Variants in LPP observed in about 807,000 individuals in gnomAD.
The protein encoded by LPP is LIM domain containing preferred translocation partner in lipoma, also known as lipoma-preferred partner.
A neutral mutation model predicts 60.4 loss-of-function variants in LPP; 38 were observed. That is an observed-to-expected ratio of 0.63 (90% confidence interval 0.49 to 0.83). The LOEUF (loss-of-function observed/expected upper bound fraction) is 0.83. Among genes scored for constraint, LPP ranks in the 40% least tolerant of loss-of-function variants. LPP has a pLI of 0.00. For synonymous variants in LPP, 328 were observed against 290.8 expected (o/e 1.13, Z -1.30); for missense variants, 902 against 783.6 (o/e 1.15, Z -1.80).
intron 1 of LPP, among the ~76,000 whole-genome samples, chr3:188,222,683 C>G (rs1174428621): frequency 6.6e-6 from 1 of 151,950 alleles, no homozygotes; most frequent in Non-Finnish European, 1.5e-5. Context: ...AATTCAGGGC[C>G]AGATAGAACT....
intron 4 of LPP, among the ~76,000 whole-genome samples, chr3:188,442,374 A>G (rs138626284): frequency 1.3e-5 from 2 of 152,154 alleles, no homozygotes; most frequent in African/African-American, 4.8e-5. Flanking sequence ...ACATGCGGTC[A>G]ACATAACTTT....
intron 2 of LPP, among the ~76,000 whole-genome samples, chr3:188,240,447 T>C (rs935466643): frequency 2.6e-5 from 4 of 151,836 alleles, no homozygotes; most frequent in Admixed American, 2.0e-4. Flanking sequence ...TGTTTGACAG[T>C]AGCAACTTCA....
At chr3:188,428,608 T>TTC (rs199654926) in intron 4 of LPP, among the ~76,000 whole-genome samples, 2 of 149,820 alleles carry the variant, frequency 1.3e-5, no homozygotes, top group Non-Finnish European at 3.0e-5. Flanking sequence ...TTTTTTTTTT[T>TTC]AACACTATCC....
At chr3:188,265,726 G>A (rs1735260640) in intron 2 of LPP, among the ~76,000 whole-genome samples, 1 of 152,154 alleles carries the variant, frequency 6.6e-6, no homozygotes, top group East Asian at 1.9e-4. Context: ...TTGGGAGTGG[G>A]AGGCTGAGTC....
intron 1 of LPP, among the ~76,000 whole-genome samples, chr3:188,168,345 G>A (rs1485050063): frequency 2.0e-5 from 3 of 152,186 alleles, no homozygotes; most frequent in Non-Finnish European, 4.4e-5. Context: ...AATGTTTTGT[G>A]TCCATAGCCT....
intron 7 of LPP, among the ~76,000 whole-genome samples, chr3:188,643,299 T>C (rs1850517096): frequency 6.6e-6 from 1 of 152,226 alleles, no homozygotes; most frequent in African/African-American, 2.4e-5. Flanking sequence ...CTTCTATTTA[T>C]AGACGAGTAA....
intron 7 of LPP, among the ~76,000 whole-genome samples, chr3:188,706,190 G>C (rs1395676635): frequency 6.6e-6 from 1 of 152,184 alleles, no homozygotes. Context: ...TAATAAATAA[G>C]TCAGTCAAGG....
At chr3:188,384,642 C>T (rs6805572) in intron 3 of LPP, among the ~76,000 whole-genome samples, 27,464 of 151,646 alleles carry the variant, frequency 0.18, 5,387 homozygotes, top group African/African-American at 0.49. Flanking sequence ...ATTCAAAAAT[C>T]AGTCAGGCAT....
chr3:188,706,060 T>A (rs1865417501), intron 7 of LPP, among the ~76,000 whole-genome samples: 2 of 152,220 alleles, frequency 1.3e-5, no homozygotes, highest in African/African-American at 4.8e-5. Flanking sequence ...CCTGTAAGAA[T>A]GAGTGGATAA....
intron 6 of LPP, among the ~76,000 whole-genome samples, chr3:188,608,844 T>C (rs80353562): frequency 0.023 from 3,462 of 152,294 alleles, 140 homozygotes; most frequent in African/African-American, 0.08. Flanking sequence ...ATAATTTCTT[T>C]CACCGATGTT....
rs371878541 is a variant in LPP at position 188,373,168 on chromosome 3, C to T, written c.-10+31449C>T. 3.8e-3 allele frequency among the ~76,000 whole-genome samples: 582 copies of T among 152,214 alleles called. 1 individual carries two copies. Among genetic ancestry groups the T allele is most frequent in the Non-Finnish European group, 6.3e-3 (430 of 68,024 alleles). ...TGTGAATAGTGCCGCTATAAACATACGTGTGCATGTGTCTTTATAGCAGCA... is the reference window on the plus strand; with the variant it reads ...TGTGAATAGTGCCGCTATAAACATATGTGTGCATGTGTCTTTATAGCAGCA... On this transcript the variant is annotated intron_variant, in intron 3 of 11. Coordinates refer to ENST00000617246, the MANE Select transcript of LPP (RefSeq NM_001375462.1).
intron 9 of LPP, among the ~76,000 whole-genome samples, chr3:188,771,638 C>T (rs1040375663): frequency 1.3e-5 from 2 of 151,466 alleles, no homozygotes; most frequent in Non-Finnish European, 1.5e-5. Context: ...TCTTAGCTCA[C>T]ATGGTTATAG....
chr3:188,788,336 G>T (rs556197271), intron 9 of LPP, among the ~76,000 whole-genome samples: 1 of 152,232 alleles, frequency 6.6e-6, no homozygotes, highest in African/African-American at 2.4e-5. Flanking sequence ...CATGCCTGTG[G>T]CTGGGTAAAC....
chr3:188,256,143 ATATT>A (rs59291295), intron 2 of LPP, among the ~76,000 whole-genome samples: 74,879 of 151,598 alleles, frequency 0.49, 18,972 homozygotes, highest in Middle Eastern at 0.62. Flanking sequence ...AGATGCTACA[ATATT>A]TAATGATGAC....
chr3:188,290,437 T>C (rs905865630), intron 2 of LPP, among the ~76,000 whole-genome samples: 1 of 152,102 alleles, frequency 6.6e-6, no homozygotes, highest in African/African-American at 2.4e-5. Context: ...CATAGGGTCC[T>C]TGTGAGGATT....
At chr3:188,271,815 GA>G (rs1359287927) in intron 2 of LPP, among the ~76,000 whole-genome samples, 2 of 152,150 alleles carry the variant, frequency 1.3e-5, no homozygotes, top group Non-Finnish European at 2.9e-5. Flanking sequence ...TGGGTCTTAG[GA>G]AAATATTCCA....
At chr3:188,252,075 T>TATATACACAC (rs1233544060) in intron 2 of LPP, among the ~76,000 whole-genome samples, 26 of 58,480 alleles carry the variant, frequency 4.4e-4, no homozygotes, top group South Asian at 6.8e-4. Flanking sequence ...TATATATATA[T>TATATACACAC]ACACACACAC....
At chr3:188,726,312 T>C (rs190109865) in intron 8 of LPP, among the ~76,000 whole-genome samples, 54 of 152,244 alleles carry the variant, frequency 3.5e-4, no homozygotes, top group African/African-American at 1.1e-3. Context: ...GACTTATTCC[T>C]GGGCCTCTAT....
At chr3:188,371,996 T>G (rs1057015523) in intron 3 of LPP, among the ~76,000 whole-genome samples, 1 of 151,458 alleles carries the variant, frequency 6.6e-6, no homozygotes, top group African/African-American at 2.4e-5. Context: ...CTTTTCTTTT[T>G]TTTTTTCTCC....
Sources: gnomAD v4.1 joint callset for allele counts (sites outside exome capture counted in the v4.1 genomes callset) on GRCh38, gnomAD v4.1.1 for gene constraint, MANE v1.5 for transcripts, NCBI Gene and HGNC (gene_info 2026-07-23, HGNC 2026-07-21) for gene names.